Variants in PLA2G4E observed in about 807,000 individuals in gnomAD.
The protein encoded by PLA2G4E is cytosolic phospholipase A2 epsilon.
In PLA2G4E, 84 loss-of-function variants were observed where a neutral mutation model predicts 109.1. That is an observed-to-expected ratio of 0.77 (90% CI 0.65 to 0.92). The LOEUF (loss-of-function observed/expected upper bound fraction) is 0.92. PLA2G4E is among the 40% of genes least tolerant of loss of function. The pLI, the probability that PLA2G4E is intolerant of heterozygous loss-of-function variation, is 0.00. For missense variants in PLA2G4E, 1,057 were observed against 1,076.6 expected, an observed-to-expected ratio of 0.98 and a Z score of 0.25; for synonymous variants, 469 against 436.1, an observed-to-expected ratio of 1.08 and a Z score of -0.94.
intron 1 of PLA2G4E, among the ~76,000 whole-genome samples, chr15:42,036,677 C>G (rs1004175518): frequency 1.3e-5 from 2 of 152,170 alleles, no homozygotes; most frequent in Non-Finnish European, 2.9e-5. Context: ...GCCGTGTCGC[C>G]CCTGCCCTGG....
At chr15:42,000,591 T>C (rs1452932248) in intron 7 of PLA2G4E, among the ~76,000 whole-genome samples, 4 of 152,190 alleles carry the variant, frequency 2.6e-5, no homozygotes, top group Non-Finnish European at 5.9e-5. Context: ...CTGCCCACTG[T>C]AGAGGAGGCA....
At position 42,025,634 on chromosome 15, in the gene PLA2G4E, C is replaced by G. The variant is rs116354721; in HGVS notation, c.184-11877G>C. Reference sequence around the variant, plus strand: ...GCAGTTCCAAGAGACGTTCCCCCTACCTCCCTCTGTACCCAAGCTATCTTA... The same window carrying G: ...GCAGTTCCAAGAGACGTTCCCCCTAGCTCCCTCTGTACCCAAGCTATCTTA... On this transcript the variant is annotated intron_variant, in intron 1 of 19. Transcript: ENST00000399518. 9.6e-3 allele frequency among the ~76,000 whole-genome samples: 1,458 copies of G among 152,310 alleles called. 23 individuals carry two copies. Among genetic ancestry groups the G allele is most frequent in the African/African-American group, 0.034 (1,401 of 41,554 alleles).
intron 3 of PLA2G4E, 50 bp downstream of exon 3, chr15:42,007,679 G>A: frequency 6.3e-7 from 1 of 1,578,758 alleles, no homozygotes; most frequent in South Asian, 1.1e-5. Context: ...GTGGGCAAGA[G>A]GGGAGTAAAA....
chr15:42,046,684 T>C (rs955104245), intron 1 of PLA2G4E, among the ~76,000 whole-genome samples: 1 of 152,206 alleles, frequency 6.6e-6, no homozygotes, highest in Non-Finnish European at 1.5e-5. Context: ...ACCTGCTCAG[T>C]GCTCTCTCTC....
At chr15:41,984,673 G>A (rs2068112539) in intron 18 of PLA2G4E, 54 bp from the exon 19 acceptor site, 15 of 1,449,790 alleles carry the variant, frequency 1.0e-5, no homozygotes, top group African/African-American at 1.4e-5. Context: ...GAGTGGAGGA[G>A]AAGCACAGAG....
At chr15:41,984,328 G>A (rs1043057014) in intron 19 of PLA2G4E, 108 bp downstream of exon 19, 1 of 1,242,372 alleles carries the variant, frequency 8.0e-7, no homozygotes, top group Non-Finnish European at 1.1e-6. Context: ...GCTCAGGCTG[G>A]AGCTGAGCCA....
At chr15:42,033,895 A>T (rs16972501) in intron 1 of PLA2G4E, among the ~76,000 whole-genome samples, 3,364 of 152,152 alleles carry the variant, frequency 0.022, 54 homozygotes, top group East Asian at 0.087. Flanking sequence ...GGTGCAAATG[A>T]CACTTCACCT....
At chr15:41,998,379 C>T (rs977424920) in intron 10 of PLA2G4E, 2 of 152,158 alleles carry the variant, frequency 1.3e-5, no homozygotes, top group Admixed American at 1.3e-4. Context: ...ATCCCACTTG[C>T]CAGATGGATT....
Position 41,984,636 on chromosome 15 carries a change from G to T in PLA2G4E, c.2203-17C>A. ...TTTCAGGGGCTGGAACAGCACAGAGGGCGTGTTTGAGCATTAGGAGGAGTG... is the reference window on the plus strand; with the variant it reads ...TTTCAGGGGCTGGAACAGCACAGAGTGCGTGTTTGAGCATTAGGAGGAGTG... On this transcript the variant is annotated splice_polypyrimidine_tract_variant and intron_variant, in intron 18 of 19. Coordinates refer to ENST00000399518, the Ensembl canonical transcript of PLA2G4E. 1.9e-6 allele frequency: 3 copies of T among 1,562,836 alleles called. No individual in the cohort carries two copies. The highest frequency in any genetic ancestry group is 2.6e-6 in the Non-Finnish European group (3 of 1,146,298).
intron 12 of PLA2G4E, 143 bp from the exon 13 acceptor site, chr15:41,993,102 G>C (rs926839072): frequency 1.3e-5 from 9 of 678,866 alleles, no homozygotes; most frequent in Non-Finnish European, 2.2e-5. Context: ...GTGAGGCAGA[G>C]ACCTGGCAGA....
At chr15:42,019,604 C>T (rs2068628885) in intron 1 of PLA2G4E, among the ~76,000 whole-genome samples, 2 of 152,186 alleles carry the variant, frequency 1.3e-5, no homozygotes, top group African/African-American at 4.8e-5. Context: ...CCATGCAACA[C>T]CTGTGTCAGA....
rs556048900 is a variant in PLA2G4E at position 41,993,964 on chromosome 15, C to G, written c.1248-1005G>C. Among the ~76,000 whole-genome samples the G allele has an allele frequency of 4.0e-5, 6 of 151,836 alleles. No homozygotes were observed. In the East Asian group the frequency reaches 1.2e-3, roughly 30 times the overall value. On this transcript the variant is annotated intron_variant, in intron 12 of 19. Transcript: ENST00000399518. ...TCCCACCCCGGCTGGGCCTGAGTTC[C>G]TCCTGCTATCTGTCTATCGCATAGT... is the stretch of plus-strand genomic sequence containing the variant.
At chr15:42,002,717 T>TGAAAAAA (rs759446314) in intron 5 of PLA2G4E, 21 bp from the exon 6 acceptor site, 1 of 1,563,008 alleles carries the variant, frequency 6.4e-7, no homozygotes, top group South Asian at 1.2e-5. Flanking sequence ...AAAGGAGAAC[T>TGAAAAAA]CCTGGTCAAT....
At position 42,028,384 on chromosome 15, in the gene PLA2G4E, CTTATTTAT is replaced by C. The variant is rs59541409; in HGVS notation, c.184-14635_184-14628del. The stretch of plus-strand genomic sequence containing the variant: ...CGTTTTTATTTTATTTATTTATTTA[CTTATTTAT>C]TTATTTATTTATTTATTTATTTATT... On this transcript the variant is annotated intron_variant, in intron 1 of 19. Transcript: ENST00000399518. 6.6e-4 allele frequency among the ~76,000 whole-genome samples: 17 copies of C among 25,766 alleles called. No individual in the cohort carries two copies. In the East Asian group the frequency reaches 0.02, roughly 31 times the overall value. 16.9% of individuals were successfully genotyped at this position (25,766 alleles called of 152,430 possible).
intron 3 of PLA2G4E, 146 bp from the exon 4 acceptor site, chr15:42,006,267 A>C (rs1025123614): frequency 1.0e-5 from 10 of 992,114 alleles, no homozygotes; most frequent in Non-Finnish European, 1.4e-5. Flanking sequence ...TGTGACAGAC[A>C]TTTGTAGGGA....
At chr15:42,004,217 G>A (rs2068449554) in intron 5 of PLA2G4E, among the ~76,000 whole-genome samples, 1 of 152,116 alleles carries the variant, frequency 6.6e-6, no homozygotes, top group Admixed American at 6.5e-5. Context: ...GAGGAGAATC[G>A]CTTGAATCCA....
In PLA2G4E at chr15:42,028,376, T is replaced by C. The variant is rs1232222525; in HGVS notation, c.184-14619A>G. Among the ~76,000 whole-genome samples, 7 of 109,918 alleles carry C rather than the reference T, an allele frequency of 6.4e-5. No individual in the cohort carries two copies. The South Asian group carries it at 2.0e-3, about 31-fold the overall frequency. 72.1% of individuals were successfully genotyped at this position (109,918 alleles called of 152,430 possible). ...CTGTACTGCGTTTTTATTTTATTTA[T>C]TTATTTACTTATTTATTTATTTATT... On this transcript the variant is annotated intron_variant, in intron 1 of 19. Transcript: ENST00000399518.
intron 1 of PLA2G4E, among the ~76,000 whole-genome samples, chr15:42,041,438 C>T (rs918192599): frequency 6.6e-6 from 1 of 152,162 alleles, no homozygotes; most frequent in Non-Finnish European, 1.5e-5. Context: ...AGCATCCTCC[C>T]TTACGAATCC....
intron 1 of PLA2G4E, among the ~76,000 whole-genome samples, chr15:42,044,415 C>G (rs1889375150): frequency 6.6e-6 from 1 of 151,962 alleles, no homozygotes; most frequent in South Asian, 2.1e-4. Context: ...AAACTGAGCA[C>G]CTGTGTCTGG....
Sources: allele counts gnomAD v4.1 joint callset (sites outside exome capture counted in the v4.1 genomes callset), GRCh38; gene constraint gnomAD v4.1.1; transcripts MANE v1.5; gene names NCBI Gene and HGNC (gene_info 2026-07-23, HGNC 2026-07-21).